The following PDE1C variants were observed in gnomAD, a reference collection of about 807,000 sequenced individuals.
PDE1C encodes dual specificity calcium/calmodulin-dependent 3',5'-cyclic nucleotide phosphodiesterase 1C.
In PDE1C, 62 loss-of-function variants were observed where a neutral mutation model predicts 93.1. The observed-to-expected ratio is 0.67, with a 90% CI of 0.54 to 0.82. The LOEUF (loss-of-function observed/expected upper bound fraction) is 0.82, where lower values mean the gene tolerates loss of function less well. Ranked by LOEUF, PDE1C falls within the 40% of genes least tolerant of loss-of-function variation. The pLI is 0.00. For missense variants in PDE1C, 742 were observed against 884.6 expected, an observed-to-expected ratio of 0.84 and a Z score of 2.04; for synonymous variants, 325 against 310.1, an observed-to-expected ratio of 1.05 and a Z score of -0.50.
intron 2 of PDE1C, among the ~76,000 whole-genome samples, chr7:32,199,186 G>T (rs1296985296): frequency 6.6e-6 from 1 of 151,570 alleles, no homozygotes; most frequent in African/African-American, 2.4e-5. Context: ...TAGGTAACCT[G>T]TCTTTTCTCT....
chr7:31,936,646 T>C (rs1805125022), intron 2 of PDE1C, among the ~76,000 whole-genome samples: 1 of 152,154 alleles, frequency 6.6e-6, no homozygotes, highest in Non-Finnish European at 1.5e-5. Flanking sequence ...ACAAGTGTAG[T>C]CACTTTGCTT....
chr7:32,233,513 C>T (rs965975738), intron 1 of PDE1C, among the ~76,000 whole-genome samples: 2 of 151,872 alleles, frequency 1.3e-5, no homozygotes, highest in Non-Finnish European at 2.9e-5. Context: ...AAACATCAAC[C>T]AACAGAAAGC....
At chr7:32,328,648 C>T (rs192729191) in intron 1 of PDE1C, among the ~76,000 whole-genome samples, 2 of 152,284 alleles carry the variant, frequency 1.3e-5, no homozygotes, top group East Asian at 1.9e-4. Context: ...CCCCCATCCC[C>T]ACTCCACCCC....
chr7:31,616,856 CTT>C, the PDE1C span, among the ~76,000 whole-genome samples: 1 of 151,360 alleles, frequency 6.6e-6, no homozygotes, highest in Admixed American at 6.6e-5. Flanking sequence ...CCAAACCTCT[CTT>C]AACAGATACC....
At chr7:32,186,108 T>G (rs1277032894) in intron 2 of PDE1C, among the ~76,000 whole-genome samples, 1 of 119,942 alleles carries the variant, frequency 8.3e-6, no homozygotes, top group African/African-American at 3.1e-5. Context: ...TTTTTTTTTT[T>G]TTTTTGAGAC....
chr7:32,206,395 GA>G (rs1805532089), intron 2 of PDE1C, among the ~76,000 whole-genome samples: 1 of 152,142 alleles, frequency 6.6e-6, no homozygotes, highest in Non-Finnish European at 1.5e-5. Flanking sequence ...GTCTAATAGA[GA>G]CCGACAGTTG....
At position 32,279,807 on chromosome 7, in the gene PDE1C, T is replaced by C. The variant is rs952019191; in HGVS notation, c.85+18844A>G. Among the ~76,000 whole-genome samples the C allele has an allele frequency of 1.1e-4, 16 of 152,196 alleles. No homozygotes were observed. The East Asian group carries it at 3.1e-3, about 29-fold the overall frequency. On this transcript the variant is annotated intron_variant, in intron 1 of 18. Transcript: ENST00000396193. Reference sequence around the variant, plus strand: ...AACTCGGGTCAAAAAAACAAAATACTGTACCTAAAGCAAAGTAAAATAAAT... The same window carrying C: ...AACTCGGGTCAAAAAAACAAAATACCGTACCTAAAGCAAAGTAAAATAAAT...
chr7:31,708,840 G>T, the PDE1C span, among the ~76,000 whole-genome samples: 1 of 152,100 alleles, frequency 6.6e-6, no homozygotes, highest in Non-Finnish European at 1.5e-5. Context: ...TAGTGAAGAC[G>T]CATGTTGTAA....
intron 2 of PDE1C, among the ~76,000 whole-genome samples, chr7:32,193,442 GA>G (rs1804373491): frequency 1.3e-5 from 2 of 152,234 alleles, no homozygotes; most frequent in South Asian, 2.1e-4. Context: ...TAACATGGTG[GA>G]TTATACTGAT....
chr7:31,729,847 T>C, the PDE1C span, among the ~76,000 whole-genome samples: 1 of 152,190 alleles, frequency 6.6e-6, no homozygotes, highest in Non-Finnish European at 1.5e-5. Context: ...TAAACTATTC[T>C]CAGGAGCCTT....
chr7:32,262,321 A>G (rs1003776799), intron 1 of PDE1C, among the ~76,000 whole-genome samples: 2 of 152,114 alleles, frequency 1.3e-5, no homozygotes, highest in African/African-American at 4.8e-5. Flanking sequence ...ACTCAATGAA[A>G]AAATTATGCT....
intron 1 of PDE1C, among the ~76,000 whole-genome samples, chr7:32,391,406 T>C (rs1445254638): frequency 2.0e-5 from 3 of 152,160 alleles, no homozygotes; most frequent in Non-Finnish European, 4.4e-5. Context: ...TAGTAGTTGA[T>C]ACATTCAACA....
intron 1 of PDE1C, among the ~76,000 whole-genome samples, chr7:32,226,778 C>A (rs561773985): frequency 6.6e-6 from 1 of 152,162 alleles, no homozygotes; most frequent in African/African-American, 2.4e-5. Flanking sequence ...GCCGAAACAC[C>A]GAGTTACCAG....
At chr7:31,822,988 T>C in intron 14 of PDE1C, 85 bp downstream of exon 14, 1 of 1,123,098 alleles carries the variant, frequency 8.9e-7, no homozygotes, top group East Asian at 2.6e-5. Flanking sequence ...CCTGAGCAAC[T>C]GTGCTTTATT....
At position 32,221,662 on chromosome 7, in the gene PDE1C, T is replaced by C. The variant is rs183917424; in HGVS notation, c.86-12123A>G. ...GCCAAGTACATGTTCTAAGAGCTCA[T>C]TGGAAAGCCATGGATGGTTGTGAAA... On this transcript the variant is annotated intron_variant, in intron 1 of 18. Coordinates refer to the PDE1C transcript ENST00000396193. Among the ~76,000 whole-genome samples, 21 of 152,322 alleles carry C rather than the reference T, an allele frequency of 1.4e-4. 1 individual carries two copies. Among genetic ancestry groups the C allele is most frequent in the Admixed American group, 3.3e-4 (5 of 15,308 alleles).
At chr7:32,103,796 G>A (rs746440993) in intron 3 of PDE1C, among the ~76,000 whole-genome samples, 8 of 152,158 alleles carry the variant, frequency 5.3e-5, no homozygotes, top group Non-Finnish European at 1.0e-4. Context: ...TGAACTTTTA[G>A]AGAAAAAGAG....
chr7:31,851,101 T>C (rs139297655), intron 7 of PDE1C, among the ~76,000 whole-genome samples: 1 of 150,236 alleles, frequency 6.7e-6, no homozygotes, highest in African/African-American at 2.5e-5. Flanking sequence ...CACACACACA[T>C]AAAAAAATTA....
chr7:31,865,069 G>A lies in PDE1C; in HGVS notation c.623C>T (p.Ala208Val), dbSNP rs1363381812. The A allele has an allele frequency of 1.2e-6, 2 of 1,614,030 alleles. No individual in the cohort carries two copies. Among genetic ancestry groups the A allele is most frequent in the Non-Finnish European group, 8.5e-7 (1 of 1,179,944 alleles). Residue 208 changes from alanine (A) to valine (V), a missense_variant, in exon 7 of 18, where the codon GCA becomes GTA. Physicochemically the swap from Ala to Val is moderately conservative, Grantham distance 64 (BLOSUM62 0). Transcript: ENST00000396191. ...LISRFKIPIS[A>V]LVSFVEALEV... is the part of the protein sequence containing the mutation. ...CAGGGCCTCCACAAATGAGACAAGT[G>A]CAGAAATGGGGATCTGAAAGAGAGC...
At chr7:32,340,026 G>A (rs1783717707) in intron 1 of PDE1C, among the ~76,000 whole-genome samples, 1 of 152,142 alleles carries the variant, frequency 6.6e-6, no homozygotes, top group South Asian at 2.1e-4. Flanking sequence ...AAGGACCATA[G>A]AGGAAAGAGA....
Sources: gnomAD v4.1 joint callset for allele counts (sites outside exome capture counted in the v4.1 genomes callset) on GRCh38, gnomAD v4.1.1 for gene constraint, MANE v1.5 for transcripts, NCBI Gene and HGNC (gene_info 2026-07-23, HGNC 2026-07-21) for gene names.